Variants in COMMD10 observed in about 807,000 individuals in gnomAD.
COMMD10 encodes the protein COMM domain-containing protein 10.
Under a neutral mutation model 28.9 loss-of-function variants are expected in COMMD10, and 33 were observed. The ratio of observed to expected loss-of-function variants is 1.14; its 90% CI spans 0.87 to 1.53. The LOEUF is 1.53. Ranked by LOEUF, COMMD10 falls within the 40% of genes most tolerant of loss-of-function variation. COMMD10 has a pLI of 0.00. For synonymous variants in COMMD10, 110 were observed against 81.7 expected, an observed-to-expected ratio of 1.35 and a Z score of -1.87; for missense variants, 310 against 233.4, an observed-to-expected ratio of 1.33 and a Z score of -2.14.
chr5:116,261,695 A>G (rs1256163587), intron 5 of COMMD10, among the ~76,000 whole-genome samples: 1 of 151,572 alleles, frequency 6.6e-6, no homozygotes, highest in Non-Finnish European at 1.5e-5. Context: ...TGGCTTCCTC[A>G]TTCCTATCAA....
intron 5 of COMMD10, among the ~76,000 whole-genome samples, chr5:116,136,866 G>A (rs1050078247): frequency 2.0e-5 from 3 of 152,094 alleles, no homozygotes; most frequent in Non-Finnish European, 2.9e-5. Flanking sequence ...ATACATAAAA[G>A]ATATTTCTCT....
chr5:116,120,619 CTG>C (rs1751399322), intron 4 of COMMD10, among the ~76,000 whole-genome samples: 1 of 152,126 alleles, frequency 6.6e-6, no homozygotes, highest in South Asian at 2.1e-4. Context: ...GCTCTACATT[CTG>C]TCACTATAGA....
chr5:116,152,543 A>G (rs1441641822), intron 5 of COMMD10, among the ~76,000 whole-genome samples: 1 of 151,512 alleles, frequency 6.6e-6, no homozygotes, highest in South Asian at 2.1e-4. Context: ...AATAGCCTCA[A>G]AACACCCCAT....
At chr5:116,255,549 A>G (rs549016903) in intron 5 of COMMD10, among the ~76,000 whole-genome samples, 27 of 151,724 alleles carry the variant, frequency 1.8e-4, no homozygotes, top group Non-Finnish European at 3.4e-4. Flanking sequence ...CAAGAGAAGT[A>G]GTTGAGTCTT....
chr5:116,246,570 A>G (rs11958276), intron 5 of COMMD10, among the ~76,000 whole-genome samples: 12,023 of 152,164 alleles, frequency 0.079, 901 homozygotes, highest in African/African-American at 0.19. Context: ...GAGGTATCCC[A>G]TTACTTGACT....
At chr5:116,115,702 T>A (rs1751210124) in intron 4 of COMMD10, among the ~76,000 whole-genome samples, 1 of 152,182 alleles carries the variant, frequency 6.6e-6, no homozygotes, top group Non-Finnish European at 1.5e-5. Context: ...TGGAGCTCTT[T>A]TACGTGTATT....
At chr5:116,267,952 G>A (rs1750638966) in intron 5 of COMMD10, among the ~76,000 whole-genome samples, 1 of 151,808 alleles carries the variant, frequency 6.6e-6, no homozygotes, top group Non-Finnish European at 1.5e-5. Context: ...ATTAATTCGA[G>A]ATGGATTAAA....
At chr5:116,103,258 A>G (rs996038464) in intron 4 of COMMD10, among the ~76,000 whole-genome samples, 9 of 152,224 alleles carry the variant, frequency 5.9e-5, no homozygotes, top group Non-Finnish European at 1.3e-4. Context: ...GTCTTCCACA[A>G]TGGTTGAACT....
intron 5 of COMMD10, among the ~76,000 whole-genome samples, chr5:116,288,165 T>TAA (rs1422927958): frequency 7.2e-5 from 11 of 151,878 alleles, no homozygotes; most frequent in Admixed American, 5.9e-4. Context: ...AAAATGTTAA[T>TAA]TTCTTCTTCA....
At chr5:116,271,449 T>C (rs954603957) in intron 5 of COMMD10, among the ~76,000 whole-genome samples, 3 of 151,418 alleles carry the variant, frequency 2.0e-5, no homozygotes, top group East Asian at 3.9e-4. Context: ...TAATATACTT[T>C]GTATACTTTT....
At chr5:116,249,036 T>C (rs1037471315) in intron 5 of COMMD10, among the ~76,000 whole-genome samples, 1 of 151,992 alleles carries the variant, frequency 6.6e-6, no homozygotes, top group Non-Finnish European at 1.5e-5. Context: ...ATATTGTCTT[T>C]AGCAATTTTT....
chr5:116,208,380 C>T (rs879333607), intron 5 of COMMD10, among the ~76,000 whole-genome samples: 1 of 152,130 alleles, frequency 6.6e-6, no homozygotes, highest in Non-Finnish European at 1.5e-5. Flanking sequence ...GAAGCTTCCT[C>T]ATTTAACATC....
chr5:116,223,392 T>C (rs1347374636), intron 5 of COMMD10, among the ~76,000 whole-genome samples: 2 of 152,152 alleles, frequency 1.3e-5, no homozygotes, highest in African/African-American at 2.4e-5. Flanking sequence ...GCTATCTATA[T>C]TTTATTTTAA....
intron 4 of COMMD10, among the ~76,000 whole-genome samples, chr5:116,115,862 A>G (rs1243026824): frequency 1.3e-5 from 2 of 152,194 alleles, no homozygotes. Flanking sequence ...CTTGTAAATA[A>G]TATTTTAAGC....
chr5:116,283,392 G>A (rs530261887), intron 5 of COMMD10, among the ~76,000 whole-genome samples: 1 of 151,212 alleles, frequency 6.6e-6, no homozygotes, highest in East Asian at 1.9e-4. Flanking sequence ...TGTCACCCAG[G>A]CTGGAGTGCA....
At chr5:116,199,642 A>C (rs1247336785) in intron 5 of COMMD10, among the ~76,000 whole-genome samples, 2 of 151,870 alleles carry the variant, frequency 1.3e-5, no homozygotes, top group Admixed American at 6.6e-5. Flanking sequence ...TGTAGATCTG[A>C]GTTTCTGACC....
chr5:116,112,860 G>A (rs1210989695), intron 4 of COMMD10, among the ~76,000 whole-genome samples: 3 of 151,844 alleles, frequency 2.0e-5, no homozygotes, highest in Non-Finnish European at 4.4e-5. Context: ...TGGTTTGTTG[G>A]AATTCTGTAA....
chr5:116,255,577 A>G (rs1334246924), intron 5 of COMMD10, among the ~76,000 whole-genome samples: 2 of 151,564 alleles, frequency 1.3e-5, no homozygotes, highest in African/African-American at 2.4e-5. Context: ...TGCAGAAACT[A>G]CTTTTACCTC....
chr5:116,216,968 A>T (rs1307214751), intron 5 of COMMD10, among the ~76,000 whole-genome samples: 3 of 152,190 alleles, frequency 2.0e-5, no homozygotes, highest in Non-Finnish European at 4.4e-5. Context: ...AGGATTTATC[A>T]GGATGTTTTG....
Sources: allele counts gnomAD v4.1 joint callset (sites outside exome capture counted in the v4.1 genomes callset), GRCh38; gene constraint gnomAD v4.1.1; transcripts MANE v1.5; gene names NCBI Gene and HGNC (gene_info 2026-07-23, HGNC 2026-07-21).